The following STXBP5L variants were observed in gnomAD, a reference collection of about 807,000 sequenced individuals.
STXBP5L encodes syntaxin binding protein 5L.
STXBP5L carries 65 observed loss-of-function variants against 144.5 expected under a neutral mutation model. The ratio of observed to expected loss-of-function variants is 0.45; its 90% CI spans 0.37 to 0.55. The LOEUF (loss-of-function observed/expected upper bound fraction) is 0.55. Ranked by LOEUF, STXBP5L falls within the 20% of genes least tolerant of loss-of-function variation. STXBP5L has a pLI of 0.00. For missense variants in STXBP5L, 1,298 were observed against 1,405.5 expected, an observed-to-expected ratio of 0.92 and a Z score of 1.22; for synonymous variants, 505 against 469.6, an observed-to-expected ratio of 1.08 and a Z score of -0.97.
At chr3:121,027,634 G>T (rs1295754711) in intron 3 of STXBP5L, among the ~76,000 whole-genome samples, 2 of 151,992 alleles carry the variant, frequency 1.3e-5, no homozygotes, top group Non-Finnish European at 2.9e-5. Context: ...AACTCCCTGT[G>T]TCTTTTTTTG....
chr3:120,977,231 G>A (rs1189864259), intron 3 of STXBP5L, among the ~76,000 whole-genome samples: 2 of 152,190 alleles, frequency 1.3e-5, no homozygotes, highest in East Asian at 1.9e-4. Context: ...GGGTGCTCCT[G>A]TATTGGGTGC....
chr3:120,948,185 T>C (rs1202536166), intron 2 of STXBP5L, among the ~76,000 whole-genome samples: 1 of 151,606 alleles, frequency 6.6e-6, no homozygotes, highest in Non-Finnish European at 1.5e-5. Flanking sequence ...GATTTACAGT[T>C]CCCTAATGGC....
At chr3:120,978,659 T>C (rs971773733) in intron 3 of STXBP5L, among the ~76,000 whole-genome samples, 18 of 130,224 alleles carry the variant, frequency 1.4e-4, no homozygotes, top group Non-Finnish European at 2.8e-4. Flanking sequence ...CTCTGATTTT[T>C]CCCCATCTTT....
At chr3:121,346,398 GC>G (rs60434285) in intron 20 of STXBP5L, among the ~76,000 whole-genome samples, 3,208 of 152,064 alleles carry the variant, frequency 0.021, 117 homozygotes, top group African/African-American at 0.074. Context: ...TATGAATAGT[GC>G]CGCAATAAAC....
In STXBP5L at chr3:121,239,129, A is replaced by G; in HGVS notation, c.1332+11A>G. ...GGATACAGTAATAAGGTAAAAGTAG[A>G]AATTATAAATAACTTTTTTTGTATT... On this transcript the variant is annotated intron_variant, in intron 13 of 26. Coordinates refer to ENST00000471454, the MANE Select transcript of STXBP5L (RefSeq NM_001308330.2). 6.8e-7 allele frequency: 1 copy of G among 1,460,542 alleles called. No homozygotes were observed. 90.5% of individuals were successfully genotyped at this position (1,460,542 alleles called of 1,614,324 possible). A position where few individuals can be genotyped will look rare whatever the true frequency, so the allele number is the denominator to read the frequency against.
At position 121,135,405 on chromosome 3, in the gene STXBP5L, T is replaced by C. The variant is rs189259771; in HGVS notation, c.669+13701T>C. ...CCATAGCAATGGTGAAGTAAGACTCTTCAGTGATAGTCACCCTATACAAGT... is the reference window on the plus strand; with the variant it reads ...CCATAGCAATGGTGAAGTAAGACTCCTCAGTGATAGTCACCCTATACAAGT... On this transcript the variant is annotated intron_variant, in intron 7 of 26. Transcript: ENST00000471454. Among the ~76,000 whole-genome samples, 416 of 152,294 alleles carry C rather than the reference T, an allele frequency of 2.7e-3. 5 individuals carry two copies. Among genetic ancestry groups the C allele is most frequent in the African/African-American group, 9.6e-3 (400 of 41,570 alleles).
At chr3:120,938,536 A>C (rs2107644006) in intron 2 of STXBP5L, among the ~76,000 whole-genome samples, 1 of 152,264 alleles carries the variant, frequency 6.6e-6, no homozygotes, top group Non-Finnish European at 1.5e-5. Flanking sequence ...CCCAAATCCA[A>C]AACATTTGGT....
rs1322910089 is a variant in STXBP5L at position 121,115,175 on chromosome 3, G to A, written c.605+116G>A. ...TATTACTAATTTATAATGAATTTGA[G>A]TGAAAAGTTCAGTAAAATAACTTAA... On this transcript the variant is annotated intron_variant, in intron 6 of 26. Coordinates refer to ENST00000471454, the MANE Select transcript of STXBP5L (RefSeq NM_001308330.2). 7 of 1,056,282 alleles carry A rather than the reference G, an allele frequency of 6.6e-6. No homozygotes were observed. In the Admixed American group the frequency reaches 2.3e-4, roughly 34 times the overall value. 65.4% of individuals were successfully genotyped at this position (1,056,282 alleles called of 1,614,324 possible). A position where few individuals can be genotyped will look rare whatever the true frequency, so the allele number is the denominator to read the frequency against.
rs184691546 is a variant in STXBP5L at position 121,103,161 on chromosome 3, G to A, written c.471-11764G>A. On this transcript the variant is annotated intron_variant, in intron 5 of 26. Transcript: ENST00000471454. Reference sequence around the variant, plus strand: ...GTTTGGAGATTTCACAAACAAAACTGAGCTACCATTTGACCCAGAAATCCC... The same window carrying A: ...GTTTGGAGATTTCACAAACAAAACTAAGCTACCATTTGACCCAGAAATCCC... Among the ~76,000 whole-genome samples the A allele has an allele frequency of 1.2e-3, 185 of 152,098 alleles. 3 individuals carry two copies. Among genetic ancestry groups the A allele is most frequent in the Admixed American group, 0.012 (176 of 15,268 alleles).
At chr3:121,400,375 C>A (rs2046842591) in intron 22 of STXBP5L, among the ~76,000 whole-genome samples, 2 of 152,194 alleles carry the variant, frequency 1.3e-5, no homozygotes, top group South Asian at 2.1e-4. Context: ...CCATCCTTAT[C>A]CTGAGTTGGT....
At chr3:121,206,362 C>G (rs1394383451) in intron 10 of STXBP5L, among the ~76,000 whole-genome samples, 2 of 152,006 alleles carry the variant, frequency 1.3e-5, no homozygotes, top group Admixed American at 6.6e-5. Flanking sequence ...AACCAAGTGT[C>G]TATACTTTAA....
intron 18 of STXBP5L, among the ~76,000 whole-genome samples, chr3:121,279,262 A>G (rs1174359495): frequency 5.3e-5 from 8 of 151,898 alleles, no homozygotes; most frequent in Non-Finnish European, 1.0e-4. Flanking sequence ...GGGGCACAAA[A>G]TAAAGAGCAC....
intron 2 of STXBP5L, among the ~76,000 whole-genome samples, chr3:120,937,680 TTCTA>T (rs376575634): frequency 2.4e-4 from 37 of 152,182 alleles, no homozygotes; most frequent in African/African-American, 8.9e-4. Flanking sequence ...GAGCGATGAC[TTCTA>T]TCTAAGCTTC....
intron 23 of STXBP5L, among the ~76,000 whole-genome samples, chr3:121,408,081 C>T (rs934644426): frequency 1.3e-5 from 2 of 151,900 alleles, no homozygotes; most frequent in Admixed American, 6.6e-5. Context: ...TATTTGCATC[C>T]TCCATTTTAC....
chr3:121,395,049 G>A (rs2108717795), intron 22 of STXBP5L, among the ~76,000 whole-genome samples: 1 of 151,814 alleles, frequency 6.6e-6, no homozygotes, highest in Non-Finnish European at 1.5e-5. Context: ...TATATAGACA[G>A]ATGAAAAAAA....
intron 22 of STXBP5L, among the ~76,000 whole-genome samples, chr3:121,393,372 C>T (rs2046645353): frequency 6.6e-6 from 1 of 152,014 alleles, no homozygotes; most frequent in African/African-American, 2.4e-5. Flanking sequence ...TTTCCCATTC[C>T]TCAAGTTGTT....
chr3:120,988,876 C>T (rs1358101406), intron 3 of STXBP5L, among the ~76,000 whole-genome samples: 4 of 152,030 alleles, frequency 2.6e-5, no homozygotes, highest in Admixed American at 6.6e-5. Context: ...TTTATGTGTA[C>T]ACATTATTTA....
At chr3:121,231,000 G>C (rs1017123784) in intron 11 of STXBP5L, among the ~76,000 whole-genome samples, 1 of 152,168 alleles carries the variant, frequency 6.6e-6, no homozygotes, top group Non-Finnish European at 1.5e-5. Flanking sequence ...CTAGATCATA[G>C]AGGATCCCCA....
chr3:120,974,316 G>A (rs1940665600), intron 3 of STXBP5L, among the ~76,000 whole-genome samples: 1 of 152,100 alleles, frequency 6.6e-6, no homozygotes, highest in African/African-American at 2.4e-5. Flanking sequence ...TTTTTCATGT[G>A]TCTTTTGGCT....
Sources: gnomAD v4.1 joint callset for allele counts (sites outside exome capture counted in the v4.1 genomes callset) on GRCh38, gnomAD v4.1.1 for gene constraint, MANE v1.5 for transcripts, NCBI Gene and HGNC (gene_info 2026-07-23, HGNC 2026-07-21) for gene names.